LARS1: variants seen among roughly 807,000 people sequenced by gnomAD.
LARS1 encodes leucine--tRNA ligase, cytoplasmic.
In LARS1, 100 loss-of-function variants were observed where a neutral mutation model predicts 162.8. The ratio of observed to expected loss-of-function variants is 0.61; its 90% confidence interval spans 0.52 to 0.73. The LOEUF (loss-of-function observed/expected upper bound fraction) is 0.73. LARS1 is among the 30% of genes least tolerant of loss of function. The pLI is 0.00. For synonymous variants in LARS1, 457 were observed against 462.8 expected (o/e 0.99, Z 0.16); for missense variants, 1,258 against 1,408.9 (o/e 0.89, Z 1.71).
intron 2 of LARS1, among the ~76,000 whole-genome samples, chr5:146,174,311 G>A (rs1405218609): frequency 1.3e-5 from 2 of 149,788 alleles, no homozygotes; most frequent in Admixed American, 6.8e-5. Flanking sequence ...TGTGCGTGGT[G>A]GCGCATGCCT....
At chr5:146,135,308 C>G (rs558404485) in intron 22 of LARS1, among the ~76,000 whole-genome samples, 1 of 151,884 alleles carries the variant, frequency 6.6e-6, no homozygotes, top group Non-Finnish European at 1.5e-5. Flanking sequence ...TGAGCCACCG[C>G]GCTTGGCCCA....
At chr5:146,141,343 G>T (rs1333202255) in intron 20 of LARS1, among the ~76,000 whole-genome samples, 1 of 152,108 alleles carries the variant, frequency 6.6e-6, no homozygotes, top group Non-Finnish European at 1.5e-5. Flanking sequence ...TATTAAAAGT[G>T]ATTTAAAAAG....
At chr5:146,134,793 AC>A (rs776961616) in intron 22 of LARS1, among the ~76,000 whole-genome samples, 6 of 152,188 alleles carry the variant, frequency 3.9e-5, no homozygotes, top group Non-Finnish European at 8.8e-5. Flanking sequence ...TACTAGAAAT[AC>A]AAAAATTAGC....
In LARS1 at chr5:146,169,553, C is replaced by CT. The variant is rs1309467910; in HGVS notation, c.295-1289dup. Among the ~76,000 whole-genome samples the CT allele has an allele frequency of 4.8e-3, 688 of 144,730 alleles. 3 individuals are homozygous for CT. Among genetic ancestry groups the CT allele is most frequent in the Middle Eastern group, 0.025 (7 of 276 alleles). 94.9% of individuals were successfully genotyped at this position (144,730 alleles called of 152,430 possible). A position where few individuals can be genotyped will look rare whatever the true frequency, so the allele number is the denominator to read the frequency against. On this transcript the variant is annotated intron_variant, in intron 4 of 31. Coordinates refer to ENST00000394434, the MANE Select transcript of LARS1 (RefSeq NM_020117.11). ...CTATAGATTACTTTTTAATTTCTTTCTTTTTTTTTTTTGAGATGGAATTTT... is the reference window on the plus strand; with the variant it reads ...CTATAGATTACTTTTTAATTTCTTTCTTTTTTTTTTTTTGAGATGGAATTTT...
At chr5:146,138,158 G>A (rs1039918551) in intron 21 of LARS1, 5 of 158,878 alleles carry the variant, frequency 3.1e-5, no homozygotes, top group Non-Finnish European at 5.8e-5. Flanking sequence ...TTATGCTCAA[G>A]ATGAAACAGA....
chr5:146,128,261 C>T (rs1198317881), intron 27 of LARS1, among the ~76,000 whole-genome samples: 2 of 151,910 alleles, frequency 1.3e-5, no homozygotes, highest in Non-Finnish European at 2.9e-5. Context: ...TTTTTCCAAA[C>T]AATAAACAAG....
chr5:146,175,211 TC>T (rs1754500273), intron 2 of LARS1, among the ~76,000 whole-genome samples: 2 of 147,924 alleles, frequency 1.4e-5, no homozygotes, highest in South Asian at 4.3e-4. Flanking sequence ...AGAGGCTCGC[TC>T]CATCTGACAC....
At chr5:146,164,595 G>A in intron 5 of LARS1, 124 bp from the exon 6 acceptor site, 1 of 905,412 alleles carries the variant, frequency 1.1e-6, no homozygotes, top group Non-Finnish European at 1.8e-6. Flanking sequence ...TCAGAACACT[G>A]CAGGAATTAG....
intron 31 of LARS1, among the ~76,000 whole-genome samples, chr5:146,115,363 G>C (rs1234606462): frequency 6.6e-6 from 1 of 151,846 alleles, no homozygotes; most frequent in African/African-American, 2.4e-5. Context: ...GATAAATAAT[G>C]ACTACTCTAA....
At chr5:146,153,533 T>C (rs571058017) in intron 12 of LARS1, among the ~76,000 whole-genome samples, 69 of 141,924 alleles carry the variant, frequency 4.9e-4, no homozygotes, top group African/African-American at 1.7e-3. Flanking sequence ...AAAATGTGAA[T>C]ATCAGAAAGC....
intron 2 of LARS1, among the ~76,000 whole-genome samples, chr5:146,176,158 G>C (rs1328383322): frequency 6.6e-6 from 1 of 151,044 alleles, no homozygotes; most frequent in East Asian, 2.0e-4. Context: ...TCTAAAAAAA[G>C]AAAGAAAGAA....
chr5:146,123,991 A>G lies in LARS1; in HGVS notation c.3087T>C (p.Asn1029=), dbSNP rs1330595849. Residue 1029 remains asparagine, a synonymous_variant, in exon 29 of 32, where the codon AAT becomes AAC. Coordinates refer to ENST00000394434, the MANE Select transcript of LARS1 (RefSeq NM_020117.11). ...TCCCTGGCCCTCTTACCTCAAGCGA[A>G]TTAGTCAGATAGACTATATTCTCCA... ...VLMENIVYLT[N]SLELEHIEVK... is the part of the protein sequence containing the mutation. 1 of 1,592,846 alleles carries G rather than the reference A, an allele frequency of 6.3e-7. No individual in the cohort carries two copies. The highest frequency in any genetic ancestry group is 8.6e-7 in the Non-Finnish European group (1 of 1,162,326).
At chr5:146,180,767 G>C (rs1182677582) in intron 1 of LARS1, among the ~76,000 whole-genome samples, 17 of 152,104 alleles carry the variant, frequency 1.1e-4, no homozygotes, top group Non-Finnish European at 2.4e-4. Flanking sequence ...CAAGTCATTT[G>C]ATCAATCTGA....
chr5:146,170,081 C>T (rs1754193924), intron 4 of LARS1, among the ~76,000 whole-genome samples: 2 of 152,076 alleles, frequency 1.3e-5, no homozygotes, highest in South Asian at 2.1e-4. Flanking sequence ...AAATAACTAG[C>T]TTAGACTTCA....
intron 31 of LARS1, among the ~76,000 whole-genome samples, chr5:146,114,651 G>A (rs1290287959): frequency 1.3e-5 from 2 of 152,056 alleles, no homozygotes; most frequent in Admixed American, 6.5e-5. Flanking sequence ...CAGGAAAATC[G>A]CTTGAACCTG....
intron 2 of LARS1, among the ~76,000 whole-genome samples, chr5:146,174,370 G>A (rs577960132): frequency 1.2e-4 from 18 of 144,430 alleles, no homozygotes; most frequent in African/African-American, 3.8e-4. Flanking sequence ...GCTTGAACAC[G>A]GGAGTCGGAG....
rs1030192106 is a variant in LARS1 at position 146,149,537 on chromosome 5, T to A, written c.1503+85A>T. 3 of 912,980 alleles carry A rather than the reference T, an allele frequency of 3.3e-6. No individual in the cohort carries two copies. The African/African-American group carries it at 5.0e-5, about 15-fold the overall frequency. The allele number at this position is 912,980 out of a possible 1,614,324, so 56.6% of individuals were successfully genotyped here. On this transcript the variant is annotated intron_variant, in intron 15 of 31. Coordinates refer to ENST00000394434, the MANE Select transcript of LARS1 (RefSeq NM_020117.11). The stretch of plus-strand genomic sequence containing the variant: ...ATATTTTTATTATAGCTCCAGGTTC[T>A]ACTGTAGAACTCACTGCTAATAACA...
At chr5:146,176,661 G>T (rs1437150984) in intron 2 of LARS1, among the ~76,000 whole-genome samples, 1 of 151,984 alleles carries the variant, frequency 6.6e-6, no homozygotes, top group Admixed American at 6.6e-5. Context: ...TATAATTGAT[G>T]CATACATTTA....
intron 15 of LARS1, among the ~76,000 whole-genome samples, chr5:146,146,689 CA>C (rs34643439): frequency 0.22 from 32,607 of 147,232 alleles, 4,618 homozygotes; most frequent in Admixed American, 0.33. Context: ...TATCTTCTCC[CA>C]TCCAACTTCC....
Sources: allele counts gnomAD v4.1 joint callset (sites outside exome capture counted in the v4.1 genomes callset), GRCh38; gene constraint gnomAD v4.1.1; transcripts MANE v1.5; gene names NCBI Gene and HGNC (gene_info 2026-07-23, HGNC 2026-07-21).